Variants in TNS3 observed in about 807,000 individuals in gnomAD.
TNS3 encodes tensin 3.
A neutral mutation model predicts 140.9 loss-of-function variants in TNS3; 45 were observed. That is an observed-to-expected ratio of 0.32 (90% CI 0.25 to 0.41). TNS3 has a LOEUF of 0.41. Among genes scored for constraint, TNS3 ranks in the 10% least tolerant of loss-of-function variants. The pLI is 1.00. For synonymous variants in TNS3, 815 were observed against 788.4 expected, an observed-to-expected ratio of 1.03 and a Z score of -0.56; for missense variants, 1,716 against 1,906.7, an observed-to-expected ratio of 0.90 and a Z score of 1.86.
intron 4 of TNS3, among the ~76,000 whole-genome samples, chr7:47,473,274 A>G (rs1317758045): frequency 1.3e-5 from 2 of 152,176 alleles, no homozygotes; most frequent in Non-Finnish European, 2.9e-5. Context: ...CAAATGGAAC[A>G]CCTGGATGCT....
At chr7:47,285,424 GAGTA>G (rs1785364588) in intron 27 of TNS3, among the ~76,000 whole-genome samples, 1 of 152,124 alleles carries the variant, frequency 6.6e-6, no homozygotes, top group Admixed American at 6.6e-5. Context: ...TCGTAATAGT[GAGTA>G]AGTCTCACGA....
intron 3 of TNS3, among the ~76,000 whole-genome samples, chr7:47,482,289 C>T (rs994484733): frequency 6.6e-5 from 10 of 152,176 alleles, no homozygotes; most frequent in African/African-American, 1.7e-4. Context: ...TATTTATAGC[C>T]TCTTGCTTAT....
chr7:47,542,126 G>A (rs1299076179), intron 1 of TNS3, among the ~76,000 whole-genome samples: 1 of 152,182 alleles, frequency 6.6e-6, no homozygotes, highest in Non-Finnish European at 1.5e-5. Context: ...GATCTTTAGA[G>A]AGAATACATA....
At chr7:47,565,545 T>G (rs1800411595) in intron 1 of TNS3, among the ~76,000 whole-genome samples, 1 of 152,024 alleles carries the variant, frequency 6.6e-6, no homozygotes, top group African/African-American at 2.4e-5. Flanking sequence ...TTTTGTATTT[T>G]TAGTAGAGAC....
chr7:47,453,911 A>G (rs796752008), intron 4 of TNS3, among the ~76,000 whole-genome samples: 1 of 152,246 alleles, frequency 6.6e-6, no homozygotes, highest in Non-Finnish European at 1.5e-5. Context: ...GTTTAAACTG[A>G]TCTCACTGAT....
chr7:47,371,530 C>T (rs796287900), intron 16 of TNS3, among the ~76,000 whole-genome samples: 1 of 152,200 alleles, frequency 6.6e-6, no homozygotes, highest in East Asian at 1.9e-4. Context: ...CACCTGGAGG[C>T]TCTGTCAGTG....
intron 4 of TNS3, among the ~76,000 whole-genome samples, chr7:47,442,345 C>G (rs1795507660): frequency 6.6e-6 from 1 of 152,262 alleles, no homozygotes; most frequent in South Asian, 2.1e-4. Flanking sequence ...GGCCTGCAAA[C>G]AGTGCCCTGC....
Position 47,302,989 on chromosome 7 carries a change from C to A in TNS3, c.3418G>T (p.Asp1140Tyr). Reference sequence around the variant, plus strand: ...GCCGCTTCTGAAGCCTTGGAAAAGTCGGGAAGGACATTTGGGAAGGGGATA... The same window carrying A: ...GCCGCTTCTGAAGCCTTGGAAAAGTAGGGAAGGACATTTGGGAAGGGGATA... ...ISIPFPNVLPDFSKASEAASP... is the reference protein window; with the variant it reads ...ISIPFPNVLPYFSKASEAASP... The change falls in exon 22 of 31, where the codon GAC becomes TAC. Residue 1140 changes from aspartate to tyrosine, a missense_variant. By Grantham distance (160) the Asp-to-Tyr change is radical. Around this residue, in one of 3 missense-constraint regions of TNS3, gnomAD observed 1,163 missense variants for 1,182.1 expected, o/e 0.98. Transcript: ENST00000311160. 1.2e-6 allele frequency: 2 copies of A among 1,612,212 alleles called. No homozygotes were observed. Among genetic ancestry groups the A allele is most frequent in the Non-Finnish European group, 1.7e-6 (2 of 1,178,656 alleles).
At chr7:47,434,515 T>C (rs1004434110) in intron 8 of TNS3, among the ~76,000 whole-genome samples, 2 of 152,198 alleles carry the variant, frequency 1.3e-5, no homozygotes, top group African/African-American at 4.8e-5. Flanking sequence ...ATAGTAAGTT[T>C]CTGGCAGGAG....
chr7:47,471,395 A>C (rs1208106609), intron 4 of TNS3, among the ~76,000 whole-genome samples: 1 of 152,170 alleles, frequency 6.6e-6, no homozygotes, highest in Non-Finnish European at 1.5e-5. Flanking sequence ...TGAGCTCTGA[A>C]GGGCAGCCGT....
Position 47,368,389 on chromosome 7 carries a change from G to A in TNS3, c.2257C>T (p.Pro753Ser). ...CCTTGCCGCCCGGTGGCCCTGCTGG[G>A]GCCCTCTCCTGTGTCAGGCAGCCTG... is the stretch of plus-strand genomic sequence containing the variant. ...SSRLPDTGEGPSRATGRQGSS... is the reference protein window; with the variant it reads ...SSRLPDTGEGSSRATGRQGSS... Residue 753 changes from proline (P) to serine (S), a missense_variant, in exon 17 of 31, where the codon CCC becomes TCC. By Grantham distance (74) the Pro-to-Ser change is moderately conservative. Around this residue, in one of 3 missense-constraint regions of TNS3, gnomAD observed 1,163 missense variants for 1,182.1 expected, o/e 0.98. Transcript: ENST00000311160. 6.7e-7 allele frequency: 1 copy of A among 1,496,394 alleles called. No individual in the cohort carries two copies. The highest frequency in any genetic ancestry group is 2.3e-5 in the Admixed American group (1 of 43,880). The allele number at this position is 1,496,394 out of a possible 1,614,324, so 92.7% of individuals were successfully genotyped here.
At chr7:47,515,402 C>T (rs1057299485) in intron 2 of TNS3, among the ~76,000 whole-genome samples, 8 of 152,142 alleles carry the variant, frequency 5.3e-5, no homozygotes, top group Non-Finnish European at 1.0e-4. Context: ...CCATCAACTA[C>T]ACTATCACTA....
intron 7 of TNS3, among the ~76,000 whole-genome samples, 163 bp from the exon 8 acceptor site, chr7:47,435,567 A>C (rs1795138906): frequency 6.6e-6 from 1 of 152,158 alleles, no homozygotes; most frequent in South Asian, 2.1e-4. Context: ...AACTTCCTTC[A>C]CTGGGAAGAA....
chr7:47,408,356 C>A (rs558357723), intron 13 of TNS3, among the ~76,000 whole-genome samples: 15 of 152,240 alleles, frequency 9.9e-5, no homozygotes, highest in African/African-American at 3.6e-4. Flanking sequence ...CCAACTGCTA[C>A]AACAGAGATG....
chr7:47,431,577 G>GT (rs1050429615), intron 8 of TNS3, among the ~76,000 whole-genome samples: 34 of 152,314 alleles, frequency 2.2e-4, no homozygotes, highest in African/African-American at 7.7e-4. Flanking sequence ...TGGTGACAGA[G>GT]TGAGACTCCG....
chr7:47,499,375 G>C (rs1798128372), intron 3 of TNS3, among the ~76,000 whole-genome samples: 1 of 152,180 alleles, frequency 6.6e-6, no homozygotes. Context: ...GAATAAAAGT[G>C]TCCTCAAAAA....
intron 3 of TNS3, among the ~76,000 whole-genome samples, chr7:47,483,114 A>T (rs1797483637): frequency 6.6e-6 from 1 of 152,208 alleles, no homozygotes; most frequent in Non-Finnish European, 1.5e-5. Context: ...CAAGTGTAAC[A>T]AATGTACCAC....
intron 27 of TNS3, 64 bp downstream of exon 27, chr7:47,291,891 T>C: frequency 6.5e-7 from 1 of 1,534,914 alleles, no homozygotes. Context: ...CAAAAGGAAG[T>C]TGTGTCAGTG....
intron 1 of TNS3, among the ~76,000 whole-genome samples, chr7:47,543,552 T>C (rs994969102): frequency 5.3e-5 from 8 of 152,210 alleles, no homozygotes; most frequent in Non-Finnish European, 8.8e-5. Flanking sequence ...AAGATGCCAT[T>C]TGTGAAGTGC....
Sources: allele counts gnomAD v4.1 joint callset (sites outside exome capture counted in the v4.1 genomes callset), GRCh38; gene constraint gnomAD v4.1.1; regional missense constraint gnomAD v4.1.1; transcripts MANE v1.5; gene names NCBI Gene and HGNC (gene_info 2026-07-23, HGNC 2026-07-21).